The following RAB3GAP1 variants were observed in gnomAD, a reference collection of about 807,000 sequenced individuals.
RAB3GAP1 encodes RAB3 GTPase activating protein catalytic subunit 1, also known as rab3 GTPase-activating protein catalytic subunit.
In RAB3GAP1, 86 loss-of-function variants were observed where a neutral mutation model predicts 130.7. That is an observed-to-expected ratio of 0.66 (90% CI 0.55 to 0.79). The LOEUF (loss-of-function observed/expected upper bound fraction) is 0.79, where lower values mean the gene tolerates loss of function less well. RAB3GAP1 is among the 30% of genes least tolerant of loss of function. The pLI, the probability that RAB3GAP1 is intolerant of heterozygous loss-of-function variation, is 0.00. For synonymous variants in RAB3GAP1, 367 were observed against 401.7 expected (o/e 0.91, Z 1.03); for missense variants, 1,029 against 1,169.4 (o/e 0.88, Z 1.75).
intron 3 of RAB3GAP1, among the ~76,000 whole-genome samples, chr2:135,063,710 A>G (rs1689240728): frequency 6.6e-6 from 1 of 152,148 alleles, no homozygotes; most frequent in South Asian, 2.1e-4. Context: ...CATTTTGTTT[A>G]TCTGTTCATC....
chr2:135,149,132 C>T (rs369507606), intron 17 of RAB3GAP1, among the ~76,000 whole-genome samples: 2 of 152,254 alleles, frequency 1.3e-5, no homozygotes, highest in Admixed American at 1.3e-4. Context: ...TAGTCAGTGT[C>T]CTCTCAGTAT....
At chr2:135,127,532 C>T (rs1006150523) in intron 11 of RAB3GAP1, among the ~76,000 whole-genome samples, 3 of 151,700 alleles carry the variant, frequency 2.0e-5, no homozygotes, top group Admixed American at 2.0e-4. Flanking sequence ...TTAGTAGAGA[C>T]GGGGTTTCAC....
rs1690046475 is a variant in RAB3GAP1 at position 135,088,395 on chromosome 2, ATTATGAT to A, written c.151-2600_151-2594del. Among the ~76,000 whole-genome samples the A allele has an allele frequency of 2.0e-5, 3 of 152,150 alleles. No individual in the cohort carries two copies. The East Asian group carries it at 5.8e-4, about 29-fold the overall frequency. On this transcript the variant is annotated intron_variant, in intron 3 of 23. Transcript: ENST00000264158. ...AAGAAACCCACCCCACACAAAAAAA[ATTATGAT>A]TTTTGGCCAGGTGTGGTGGCTCATG...
chr2:135,132,167 G>A (rs780904027), intron 13 of RAB3GAP1, among the ~76,000 whole-genome samples: 1 of 152,164 alleles, frequency 6.6e-6, no homozygotes, highest in Non-Finnish European at 1.5e-5. Context: ...CATAGTAAGA[G>A]GGATTACTAA....
At chr2:135,074,499 C>T (rs1366649960) in intron 3 of RAB3GAP1, among the ~76,000 whole-genome samples, 1 of 152,170 alleles carries the variant, frequency 6.6e-6, no homozygotes, top group African/African-American at 2.4e-5. Context: ...GAACTCTTAC[C>T]CGATTGGGTG....
At chr2:135,119,413 A>G (rs185984772) in intron 7 of RAB3GAP1, among the ~76,000 whole-genome samples, 1 of 152,146 alleles carries the variant, frequency 6.6e-6, no homozygotes, top group Non-Finnish European at 1.5e-5. Context: ...CTTGGCCATA[A>G]TTATTTCTTT....
intron 3 of RAB3GAP1, among the ~76,000 whole-genome samples, chr2:135,064,192 C>T (rs527409751): frequency 6.6e-6 from 1 of 152,084 alleles, no homozygotes; most frequent in South Asian, 2.1e-4. Context: ...TGTATTTTTG[C>T]TGCATAGGGT....
At chr2:135,062,254 T>G (rs1689197958) in intron 3 of RAB3GAP1, among the ~76,000 whole-genome samples, 1 of 152,226 alleles carries the variant, frequency 6.6e-6, no homozygotes. Flanking sequence ...TTCCTAACCT[T>G]GGCACTATTG....
At chr2:135,141,350 G>A (rs895977208) in intron 17 of RAB3GAP1, among the ~76,000 whole-genome samples, 10 of 150,878 alleles carry the variant, frequency 6.6e-5, no homozygotes, top group Admixed American at 6.6e-5. Context: ...TCAGCCTCCC[G>A]AGTAGCTGGG....
chr2:135,165,501 TAAC>T (rs139222664), intron 23 of RAB3GAP1, among the ~76,000 whole-genome samples: 9,042 of 152,262 alleles, frequency 0.059, 505 homozygotes, highest in African/African-American at 0.15. Flanking sequence ...ACACGTGGAA[TAAC>T]AACTGGATAA....
intron 13 of RAB3GAP1, 47 bp from the exon 14 acceptor site, chr2:135,132,846 AAT>A (rs1237915762): frequency 9.1e-7 from 1 of 1,103,784 alleles, no homozygotes; most frequent in South Asian, 1.2e-5. Context: ...AAATCAACAA[AAT>A]AGGAAATGTG....
Position 135,124,235 on chromosome 2 carries a change from A to C in RAB3GAP1, c.819A>C (p.Glu273Asp). Residue 273 changes from glutamate to aspartate, a missense_variant, in exon 9 of 24, where the codon GAA becomes GAC. Glu to Asp is a conservative substitution (Grantham distance 45). This residue lies in a region of RAB3GAP1 where 510 missense variants were observed against 532.1 expected (regional missense o/e 0.96). Transcript: ENST00000264158. ...GCAAGTTACCATTTGGTGCCTGCGA[A>C]GATCCTATTAGGTGAGAATTTCAAC... is the stretch of plus-strand genomic sequence containing the variant. ...EFGKLPFGACEDPISELHLAT... is the reference protein window; with the variant it reads ...EFGKLPFGACDDPISELHLAT... 6.2e-7 allele frequency: 1 copy of C among 1,613,928 alleles called. No individual in the cohort carries two copies. The highest frequency in any genetic ancestry group is 8.5e-7 in the Non-Finnish European group (1 of 1,179,746).
At chr2:135,054,446 A>C (rs922502267) in intron 2 of RAB3GAP1, among the ~76,000 whole-genome samples, 1 of 152,216 alleles carries the variant, frequency 6.6e-6, no homozygotes, top group Non-Finnish European at 1.5e-5. Context: ...CTGGAATACA[A>C]AGGGAACCTA....
At position 135,060,843 on chromosome 2, in the gene RAB3GAP1, C is replaced by T. The variant is rs924310726; in HGVS notation, c.150+2757C>T. On this transcript the variant is annotated intron_variant, in intron 3 of 23. Coordinates refer to ENST00000264158, the MANE Select transcript of RAB3GAP1 (RefSeq NM_012233.3). ...GCCTTAGCCTCCCAAGAAGCTGAGA[C>T]GACAGGCATATGCCACCTTGCCTGG... is the stretch of plus-strand genomic sequence containing the variant. 3.3e-5 allele frequency among the ~76,000 whole-genome samples: 5 copies of T among 151,978 alleles called. No homozygotes were observed. In the South Asian group the frequency reaches 6.2e-4, roughly 19 times the overall value.
intron 11 of RAB3GAP1, 73 bp downstream of exon 11, chr2:135,126,729 A>G: frequency 1.6e-6 from 2 of 1,265,448 alleles, no homozygotes; most frequent in African/African-American, 1.5e-5. Flanking sequence ...CACTGCATAC[A>G]TTCTTTATAC....
intron 19 of RAB3GAP1, among the ~76,000 whole-genome samples, chr2:135,160,615 G>T (rs1355808341): frequency 1.3e-4 from 19 of 149,018 alleles, no homozygotes; most frequent in Non-Finnish European, 8.9e-5. Flanking sequence ...CGGAGGTTGT[G>T]GGGAGCCAAG....
At chr2:135,121,426 C>G (rs556936296) in intron 8 of RAB3GAP1, among the ~76,000 whole-genome samples, 2 of 152,266 alleles carry the variant, frequency 1.3e-5, no homozygotes, top group Non-Finnish European at 2.9e-5. Context: ...AATTTGCCTG[C>G]TTACCCTTGA....
At chr2:135,065,514 T>C (rs1181083079) in intron 3 of RAB3GAP1, among the ~76,000 whole-genome samples, 3 of 152,220 alleles carry the variant, frequency 2.0e-5, no homozygotes, top group African/African-American at 7.2e-5. Flanking sequence ...TTCTCATTAA[T>C]ATTTTTGTTC....
Position 135,163,704 on chromosome 2 carries a change from G to A in RAB3GAP1, c.2606+603G>A, listed in dbSNP as rs76010206. Among the ~76,000 whole-genome samples the A allele has an allele frequency of 7.1e-3, 1,075 of 152,288 alleles. 12 individuals carry two copies. Among genetic ancestry groups the A allele is most frequent in the African/African-American group, 0.024 (1,005 of 41,552 alleles). On this transcript the variant is annotated intron_variant, in intron 22 of 23. Coordinates refer to ENST00000264158, the MANE Select transcript of RAB3GAP1 (RefSeq NM_012233.3). ...CATTTTTTGCCCATGTTATTTGGAA[G>A]GACAATATTGTTTTAATGTGTGATA...
Sources: allele counts gnomAD v4.1 joint callset (sites outside exome capture counted in the v4.1 genomes callset), GRCh38; gene constraint gnomAD v4.1.1; regional missense constraint gnomAD v4.1.1; transcripts MANE v1.5; gene names NCBI Gene and HGNC (gene_info 2026-07-23, HGNC 2026-07-21).